Variants in DNAH17 observed in about 807,000 individuals in gnomAD.
DNAH17 encodes dynein axonemal heavy chain 17.
DNAH17 carries 376 observed loss-of-function variants against 485.6 expected under a neutral mutation model. The observed-to-expected ratio is 0.77, with a 90% confidence interval of 0.71 to 0.84. The LOEUF (loss-of-function observed/expected upper bound fraction) is 0.84. DNAH17 is among the 40% of genes least tolerant of loss of function. The pLI is 0.00. For synonymous variants in DNAH17, 3,031 were observed against 2,405.9 expected (o/e 1.26, Z -7.60); for missense variants, 6,370 against 5,839.3 (o/e 1.09, Z -2.96).
chr17:78,450,238 C>T lies in DNAH17; in HGVS notation c.11040+16G>A. The T allele has an allele frequency of 6.2e-7, 1 of 1,613,148 alleles. No homozygotes were observed. Among genetic ancestry groups the T allele is most frequent in the Middle Eastern group, 1.7e-4 (1 of 5,894 alleles). On this transcript the variant is annotated intron_variant, in intron 68 of 80. Transcript: ENST00000389840. ...CCACCTTGAGGGAGGCACCCAGCCC[C>T]AGCTGCAGGGCGCACCTTGAGGGAG...
chr17:78,440,886 A>G (rs917768924), intron 72 of DNAH17, among the ~76,000 whole-genome samples, 165 bp downstream of exon 72: 5 of 152,184 alleles, frequency 3.3e-5, no homozygotes, highest in African/African-American at 1.2e-4. Context: ...CAGGCCTCAC[A>G]ACTCGTGTTA....
At chr17:78,543,731 C>T in intron 17 of DNAH17, 126 bp downstream of exon 17, 4 of 1,440,204 alleles carry the variant, frequency 2.8e-6, no homozygotes, top group East Asian at 4.5e-5. Flanking sequence ...AGCCAGGTCA[C>T]AGACTTCTAT....
rs141877160 is a variant in DNAH17, at chr17:78,575,040, G to A, written c.18C>T (p.Asp6=). 2.0e-4 allele frequency: 315 copies of A among 1,613,048 alleles called. No individual in the cohort carries two copies. Among genetic ancestry groups the A allele is most frequent in the Middle Eastern group, 1.8e-3 (11 of 6,054 alleles). The change falls in exon 2 of 81, where the codon GAC becomes GAT. Residue 6 remains aspartate, a synonymous_variant. Transcript: ENST00000389840. ...CTTCCTCCAGATACTCTAGTCTGACGTCCGGGGCCATTGTCATCTTGGCCT... is the reference window on the plus strand; with the variant it reads ...CTTCCTCCAGATACTCTAGTCTGACATCCGGGGCCATTGTCATCTTGGCCT... MTMAP[D]VRLEYLEEVA...
intron 16 of DNAH17, among the ~76,000 whole-genome samples, chr17:78,549,733 G>C (rs1472477745): frequency 1.3e-5 from 2 of 152,164 alleles, no homozygotes; most frequent in Non-Finnish European, 2.9e-5. Flanking sequence ...GGTCAAGCTG[G>C]GGCCTCAGGG....
intron 54 of DNAH17, among the ~76,000 whole-genome samples, chr17:78,471,900 C>A (rs1465203805): frequency 6.6e-6 from 1 of 152,166 alleles, no homozygotes; most frequent in Non-Finnish European, 1.5e-5. Context: ...TCCCGCTGTG[C>A]GATGGCCGCC....
intron 72 of DNAH17, 122 bp from the exon 73 acceptor site, chr17:78,439,339 A>C: frequency 8.4e-7 from 1 of 1,187,168 alleles, no homozygotes; most frequent in Non-Finnish European, 1.2e-6. Context: ...TGAAATACAC[A>C]TGACATAAAA....
chr17:78,460,322 G>GTGCATGTGTT, intron 58 of DNAH17, 65 bp from the exon 59 acceptor site: 1 of 611,410 alleles, frequency 1.6e-6, no homozygotes, highest in Non-Finnish European at 2.5e-6. Flanking sequence ...GGGCGTGTAC[G>GTGCATGTGTT]TGCATGTGTG....
At chr17:78,535,191 G>A (rs2091343533) in intron 19 of DNAH17, among the ~76,000 whole-genome samples, 1 of 152,338 alleles carries the variant, frequency 6.6e-6, no homozygotes, top group South Asian at 2.1e-4. Context: ...GTGCCCAAGA[G>A]CAGCCTGCTT....
At position 78,526,741 on chromosome 17, in the gene DNAH17, C is replaced by T. The variant is rs186490943; in HGVS notation, c.3625-4G>A. The T allele has an allele frequency of 7.3e-5, 117 of 1,603,522 alleles. No homozygotes were observed. Among genetic ancestry groups the T allele is most frequent in the Non-Finnish European group, 8.9e-5 (104 of 1,172,972 alleles). ...CCCTGAACTCATGTTGCTTGAGCTGCGAGAGAAGAGTGCAAAGTACAGAGA... is the reference window on the plus strand; with the variant it reads ...CCCTGAACTCATGTTGCTTGAGCTGTGAGAGAAGAGTGCAAAGTACAGAGA... On this transcript the variant is annotated splice_polypyrimidine_tract_variant and splice_region_variant and intron_variant, in intron 23 of 80. Coordinates refer to ENST00000389840, the MANE Select transcript of DNAH17 (RefSeq NM_173628.4).
chr17:78,449,489 G>A lies in DNAH17; in HGVS notation c.11136C>T (p.Tyr3712=), dbSNP rs1598466753. The A allele has an allele frequency of 6.3e-7, 1 of 1,575,352 alleles. No homozygotes were observed. The part of the protein sequence containing the change: ...RVINLTDEIT[Y]SVYMYTARGL... ...CCCGGGCCGTGTACATGTAGACGGAGTAGGTGATCTCGTCCGTCAGGTTGA... is the reference window on the plus strand; with the variant it reads ...CCCGGGCCGTGTACATGTAGACGGAATAGGTGATCTCGTCCGTCAGGTTGA... The change falls in exon 69 of 81, where the codon TAC becomes TAT. Residue 3712 remains tyrosine (Y), a synonymous_variant. Transcript: ENST00000389840.
chr17:78,549,460 G>A (rs903601068), intron 16 of DNAH17, among the ~76,000 whole-genome samples: 1 of 152,182 alleles, frequency 6.6e-6, no homozygotes, highest in African/African-American at 2.4e-5. Context: ...TGATGCAGAG[G>A]TGAACTTCTT....
At chr17:78,442,574 T>C (rs1192114558) in intron 71 of DNAH17, among the ~76,000 whole-genome samples, 2 of 152,268 alleles carry the variant, frequency 1.3e-5, no homozygotes, top group African/African-American at 4.8e-5. Context: ...TGCTAATTAC[T>C]TGGCCAGGCC....
intron 37 of DNAH17, among the ~76,000 whole-genome samples, chr17:78,498,122 C>G (rs2090138321): frequency 7.0e-6 from 1 of 143,728 alleles, no homozygotes; most frequent in African/African-American, 2.6e-5. Flanking sequence ...GCCTGGGCAA[C>G]AAGAGTAAAA....
At chr17:78,447,592 A>G (rs1257714435) in intron 69 of DNAH17, among the ~76,000 whole-genome samples, 1 of 152,184 alleles carries the variant, frequency 6.6e-6, no homozygotes, top group Non-Finnish European at 1.5e-5. Context: ...TCTTTTGGTC[A>G]AACAAAACGT....
chr17:78,554,899 A>AC (rs1235476623), intron 14 of DNAH17, among the ~76,000 whole-genome samples: 2 of 151,976 alleles, frequency 1.3e-5, no homozygotes, highest in Non-Finnish European at 2.9e-5. Flanking sequence ...GGCGCCCACC[A>AC]CCAAGCCCAG....
At chr17:78,548,208 T>TTTTTTTTTTC (rs1212630110) in intron 16 of DNAH17, among the ~76,000 whole-genome samples, 2 of 122,194 alleles carry the variant, frequency 1.6e-5, no homozygotes, top group South Asian at 3.3e-4. Context: ...TGGCCTTTTT[T>TTTTTTTTTTC]TTTTTTTTTT....
At chr17:78,545,971 G>T (rs1313771414) in intron 16 of DNAH17, among the ~76,000 whole-genome samples, 1 of 97,988 alleles carries the variant, frequency 1.0e-5, no homozygotes. Context: ...ACTACCATTT[G>T]AAATTTTTTT....
At chr17:78,571,911 C>T in intron 3 of DNAH17, 129 bp from the exon 4 acceptor site, 1 of 863,024 alleles carries the variant, frequency 1.2e-6, no homozygotes, top group Non-Finnish European at 1.7e-6. Flanking sequence ...TCTCATGTCC[C>T]TGGTGCCTCC....
rs1172319671 is a variant in DNAH17, at chr17:78,514,865, T to C, written c.4022A>G (p.Lys1341Arg). The C allele has an allele frequency of 1.2e-6, 2 of 1,614,064 alleles. No individual in the cohort carries two copies. The highest frequency in any genetic ancestry group is 3.3e-5 in the Admixed American group (2 of 60,030). The change falls in exon 26 of 81, where the codon AAA becomes AGA. Residue 1341 changes from lysine to arginine, a missense_variant. Lys to Arg is a conservative substitution (Grantham distance 26). Transcript: ENST00000389840. The stretch of plus-strand genomic sequence containing the variant: ...GGCACGCAGGGACGTGATCACGTTT[T>C]TCACGGTGTTGTCGAGCCCCACGAA... Reference protein sequence around the residue: ...DAFVGLDNTVKNVITSLRAVS... With the variant: ...DAFVGLDNTVRNVITSLRAVS...
Sources: allele counts gnomAD v4.1 joint callset (sites outside exome capture counted in the v4.1 genomes callset), GRCh38; gene constraint gnomAD v4.1.1; transcripts MANE v1.5; gene names NCBI Gene and HGNC (gene_info 2026-07-23, HGNC 2026-07-21).